Variants in CCDC138 observed in about 807,000 individuals in gnomAD.
The protein encoded by CCDC138 is coiled-coil domain containing 138.
CCDC138 carries 66 observed loss-of-function variants against 82.3 expected under a neutral mutation model. That is an observed-to-expected ratio of 0.80 (90% confidence interval 0.66 to 0.98). The LOEUF (loss-of-function observed/expected upper bound fraction) is 0.98. Ranked by LOEUF, CCDC138 falls within the 50% of genes least tolerant of loss-of-function variation. CCDC138 has a pLI of 0.00. For missense variants in CCDC138, 816 were observed against 758.9 expected (o/e 1.08, Z -0.88); for synonymous variants, 297 against 265.4 (o/e 1.12, Z -1.16).
chr2:108,844,622 C>T (rs946455278), intron 11 of CCDC138, among the ~76,000 whole-genome samples: 1 of 152,112 alleles, frequency 6.6e-6, no homozygotes, highest in Non-Finnish European at 1.5e-5. Context: ...GAAAACTAGA[C>T]ATTTTGGGTC....
intron 10 of CCDC138, among the ~76,000 whole-genome samples, chr2:108,816,930 C>T (rs576008114): frequency 1.3e-5 from 2 of 152,318 alleles, no homozygotes; most frequent in African/African-American, 4.8e-5. Flanking sequence ...CTCTTAGCTT[C>T]AAGCATTCCT....
chr2:108,810,273 G>A (rs1330939716), intron 7 of CCDC138, among the ~76,000 whole-genome samples: 1 of 151,884 alleles, frequency 6.6e-6, no homozygotes, highest in East Asian at 1.9e-4. Context: ...GATGTTAATT[G>A]TGTGTTTGTT....
chr2:108,883,294 C>T (rs1696343605), intron 2 of CCDC138: 1 of 152,184 alleles, frequency 6.6e-6, no homozygotes. Flanking sequence ...ATCTCTGTGG[C>T]TGTGGTTATT....
chr2:108,836,238 A>G (rs1012214171), intron 10 of CCDC138, among the ~76,000 whole-genome samples: 2 of 152,198 alleles, frequency 1.3e-5, no homozygotes, highest in African/African-American at 4.8e-5. Flanking sequence ...GATTTCTCAT[A>G]TGGATGGAAT....
intron 13 of CCDC138, among the ~76,000 whole-genome samples, chr2:108,861,472 C>CTTTTTTTT (rs201132350): frequency 4.0e-5 from 5 of 123,528 alleles, no homozygotes; most frequent in South Asian, 2.7e-4. Context: ...AACTTTCTTC[C>CTTTTTTTT]TTTTTTTTTT....
In CCDC138 at chr2:108,872,666, A is replaced by T. The variant is rs1419321655; in HGVS notation, c.1694-785A>T. Among the ~76,000 whole-genome samples the T allele has an allele frequency of 2.6e-5, 4 of 152,270 alleles. No homozygotes were observed. In the East Asian group the frequency reaches 7.7e-4, roughly 29 times the overall value. ...TCACCTGGCAGAGGACAAGAGGGCA[A>T]GAGAGAGCAAGAGGGGGCTGCACTC... On this transcript the variant is annotated intron_variant, in intron 13 of 14. Coordinates refer to ENST00000295124, the MANE Select transcript of CCDC138 (RefSeq NM_144978.3).
chr2:108,859,541 T>A (rs989001627), intron 13 of CCDC138, among the ~76,000 whole-genome samples: 1 of 152,174 alleles, frequency 6.6e-6, no homozygotes, highest in Non-Finnish European at 1.5e-5. Flanking sequence ...CATCTTTCAT[T>A]TAAGTCTTTG....
chr2:108,847,456 T>G (rs1690685086), intron 12 of CCDC138, among the ~76,000 whole-genome samples: 1 of 152,208 alleles, frequency 6.6e-6, no homozygotes, highest in Non-Finnish European at 1.5e-5. Context: ...TTTCAGTGCT[T>G]GCACTAGCTT....
intron 13 of CCDC138, among the ~76,000 whole-genome samples, chr2:108,860,700 T>C (rs1445555194): frequency 2.6e-5 from 4 of 152,056 alleles, no homozygotes; most frequent in Non-Finnish European, 4.4e-5. Context: ...TAGGTTCCGT[T>C]TGCCAGTATT....
chr2:108,846,943 T>G lies in CCDC138; in HGVS notation c.1516+13T>G. 7.1e-7 allele frequency: 1 copy of G among 1,413,986 alleles called. No homozygotes were observed. Among genetic ancestry groups the G allele is most frequent in the Non-Finnish European group, 9.9e-7 (1 of 1,007,714 alleles). 87.6% of individuals were successfully genotyped at this position (1,413,986 alleles called of 1,614,324 possible). On this transcript the variant is annotated intron_variant, in intron 12 of 14. Coordinates refer to ENST00000295124, the MANE Select transcript of CCDC138 (RefSeq NM_144978.3). ...ACAGTCACTCAAGGTAAGCTTTCAATTGTACTTATGGTTAATTTTGAGAAA... is the reference window on the plus strand; with the variant it reads ...ACAGTCACTCAAGGTAAGCTTTCAAGTGTACTTATGGTTAATTTTGAGAAA...
chr2:108,874,974 A>G (rs1001730030), intron 14 of CCDC138, among the ~76,000 whole-genome samples: 1 of 151,846 alleles, frequency 6.6e-6, no homozygotes, highest in Admixed American at 6.6e-5. Context: ...TTGGGCCAAA[A>G]TGTTTTACTA....
intron 10 of CCDC138, among the ~76,000 whole-genome samples, chr2:108,831,886 C>T (rs1687748066): frequency 6.7e-6 from 1 of 149,436 alleles, no homozygotes; most frequent in Admixed American, 6.6e-5. Flanking sequence ...GCACTGGCCA[C>T]CATGCCTGGC....
intron 14 of CCDC138, among the ~76,000 whole-genome samples, chr2:108,875,160 ACT>A (rs1374473633): frequency 6.6e-6 from 1 of 151,470 alleles, no homozygotes; most frequent in African/African-American, 2.4e-5. Flanking sequence ...ATTAGGACAA[ACT>A]CTCTCAAGAG....
chr2:108,854,739 C>T (rs1023291110), intron 12 of CCDC138, among the ~76,000 whole-genome samples: 1 of 152,132 alleles, frequency 6.6e-6, no homozygotes, highest in Non-Finnish European at 1.5e-5. Flanking sequence ...CTTTCTTGGC[C>T]TCTCTCCAGG....
At chr2:108,864,273 G>A (rs1353378748) in intron 13 of CCDC138, among the ~76,000 whole-genome samples, 3 of 151,988 alleles carry the variant, frequency 2.0e-5, no homozygotes, top group Admixed American at 1.3e-4. Flanking sequence ...TGATGAACAC[G>A]CTATTTTTAT....
chr2:108,860,111 T>C (rs917784565), intron 13 of CCDC138, among the ~76,000 whole-genome samples: 3 of 152,136 alleles, frequency 2.0e-5, no homozygotes, highest in African/African-American at 4.8e-5. Flanking sequence ...TTGAATGTTA[T>C]TGGTGTATAG....
At chr2:108,857,864 G>T (rs1692879961) in intron 13 of CCDC138, among the ~76,000 whole-genome samples, 2 of 152,180 alleles carry the variant, frequency 1.3e-5, no homozygotes, top group South Asian at 2.1e-4. Flanking sequence ...TCATTAGAAA[G>T]AAATCTTTCT....
chr2:108,804,863 T>C, intron 6 of CCDC138, 26 bp from the exon 7 acceptor site: 1 of 1,483,706 alleles, frequency 6.7e-7, no homozygotes, highest in Non-Finnish European at 8.9e-7. Context: ...AAGTTTTAGA[T>C]GAGAGTTTTT....
chr2:108,861,828 C>T (rs966335274), intron 13 of CCDC138, among the ~76,000 whole-genome samples: 39 of 152,168 alleles, frequency 2.6e-4, no homozygotes, highest in Middle Eastern at 3.4e-3. Flanking sequence ...TGAGCCACCG[C>T]GCCCAGCCTA....
Sources: gnomAD v4.1 joint callset for allele counts (sites outside exome capture counted in the v4.1 genomes callset) on GRCh38, gnomAD v4.1.1 for gene constraint, MANE v1.5 for transcripts, NCBI Gene and HGNC (gene_info 2026-07-23, HGNC 2026-07-21) for gene names.